The following DEPTOR variants were observed in gnomAD, a reference collection of about 807,000 sequenced individuals.
The protein encoded by DEPTOR is DEP domain containing MTOR interacting protein, also known as DEP domain-containing mTOR-interacting protein.
Under a neutral mutation model 41.6 loss-of-function variants are expected in DEPTOR, and 41 were observed. The ratio of observed to expected loss-of-function variants is 0.98; its 90% CI spans 0.77 to 1.28. The LOEUF is 1.28. Among genes scored for constraint, DEPTOR ranks in the 50% most tolerant of loss-of-function variants. The pLI, the probability that DEPTOR is intolerant of heterozygous loss-of-function variation, is 0.00. For missense variants in DEPTOR, 514 were observed against 527.9 expected (o/e 0.97, Z 0.26); for synonymous variants, 195 against 192.3 (o/e 1.01, Z -0.12).
chr8:119,976,121 C>A (rs1232697160), intron 4 of DEPTOR, among the ~76,000 whole-genome samples: 1 of 151,836 alleles, frequency 6.6e-6, no homozygotes, highest in African/African-American at 2.4e-5. Flanking sequence ...CTGGCCCTCC[C>A]AAAATGCTGG....
chr8:119,911,740 G>A (rs1827748085), intron 1 of DEPTOR, among the ~76,000 whole-genome samples: 1 of 152,168 alleles, frequency 6.6e-6, no homozygotes, highest in African/African-American at 2.4e-5. Context: ...CATATTAATA[G>A]AAAGGTGATG....
At chr8:120,033,144 A>G (rs575226458) in intron 8 of DEPTOR, among the ~76,000 whole-genome samples, 4 of 146,762 alleles carry the variant, frequency 2.7e-5, no homozygotes, top group South Asian at 4.3e-4. Flanking sequence ...CTGGAGTGCA[A>G]TGATGTGATT....
chr8:119,923,488 C>T (rs1276148777), intron 1 of DEPTOR, among the ~76,000 whole-genome samples: 2 of 152,094 alleles, frequency 1.3e-5, no homozygotes, highest in South Asian at 2.1e-4. Context: ...GTTATCCTCC[C>T]ACCTTGGCTT....
intron 4 of DEPTOR, among the ~76,000 whole-genome samples, chr8:119,992,635 C>T (rs1334583968): frequency 6.6e-6 from 1 of 151,448 alleles, no homozygotes; most frequent in African/African-American, 2.4e-5. Context: ...CTTCCTCCTT[C>T]CAACTAGATA....
At chr8:120,000,123 A>AT (rs550684095) in intron 4 of DEPTOR, among the ~76,000 whole-genome samples, 2 of 152,012 alleles carry the variant, frequency 1.3e-5, no homozygotes, top group African/African-American at 2.4e-5. Flanking sequence ...CTCTTTGCCG[A>AT]TTTTTTTTAA....
chr8:120,040,857 G>A (rs1813056940), intron 8 of DEPTOR, among the ~76,000 whole-genome samples: 1 of 152,146 alleles, frequency 6.6e-6, no homozygotes, highest in African/African-American at 2.4e-5. Context: ...TGCTCTACTT[G>A]ATTAAGATTT....
chr8:119,964,397 C>A (rs11778729), intron 3 of DEPTOR, among the ~76,000 whole-genome samples: 2,154 of 151,968 alleles, frequency 0.014, 24 homozygotes, highest in Non-Finnish European at 0.024. Context: ...TGCCTGTAAT[C>A]CCAGCTACTC....
chr8:119,957,849 A>G (rs1828439298), intron 3 of DEPTOR, among the ~76,000 whole-genome samples: 1 of 152,152 alleles, frequency 6.6e-6, no homozygotes, highest in Non-Finnish European at 1.5e-5. Context: ...TTGGCCTCCC[A>G]AAGTGCTGGG....
At chr8:120,023,813 T>TG (rs397964979) in intron 8 of DEPTOR, among the ~76,000 whole-genome samples, 4 of 151,568 alleles carry the variant, frequency 2.6e-5, no homozygotes, top group Admixed American at 2.6e-4. Context: ...TTTTTTTTTT[T>TG]ACTTTGCTTG....
chr8:120,021,057 T>TTAAAATAAAATAAAATAAAATAAAA, intron 8 of DEPTOR, among the ~76,000 whole-genome samples: 2 of 8,588 alleles, frequency 2.3e-4, no homozygotes, highest in South Asian at 4.6e-3. Flanking sequence ...AGACTCTGTC[T>TTAAAATAAAATAAAATAAAATAAAA]CAAAATAAAA....
intron 1 of DEPTOR, among the ~76,000 whole-genome samples, chr8:119,887,093 A>G (rs1002982376): frequency 1.6e-5 from 2 of 125,680 alleles, no homozygotes; most frequent in Admixed American, 1.7e-4. Flanking sequence ...TGTTTTTACC[A>G]GTCCCTTCCC....
intron 1 of DEPTOR, among the ~76,000 whole-genome samples, chr8:119,896,382 A>G (rs1199648402): frequency 6.6e-6 from 1 of 152,230 alleles, no homozygotes; most frequent in Non-Finnish European, 1.5e-5. Context: ...GGTTGAGGAC[A>G]CAGCTGGGCT....
At chr8:120,014,515 C>T (rs541737655) in intron 8 of DEPTOR, among the ~76,000 whole-genome samples, 3 of 152,066 alleles carry the variant, frequency 2.0e-5, no homozygotes, top group Non-Finnish European at 4.4e-5. Flanking sequence ...AAGCCAGTTC[C>T]TTCCCCAAGC....
chr8:119,908,270 G>A (rs994670197), intron 1 of DEPTOR, among the ~76,000 whole-genome samples: 4 of 152,166 alleles, frequency 2.6e-5, no homozygotes, highest in Non-Finnish European at 4.4e-5. Context: ...GCATTCATCA[G>A]TATCCCCTCT....
At chr8:119,938,056 A>G (rs1586623565) in intron 3 of DEPTOR, among the ~76,000 whole-genome samples, 1 of 152,374 alleles carries the variant, frequency 6.6e-6, no homozygotes, top group Admixed American at 6.5e-5. Context: ...AGTCTGGAAC[A>G]AAAGCTGTCA....
chr8:119,896,274 G>A (rs1827518827), intron 1 of DEPTOR, among the ~76,000 whole-genome samples: 1 of 152,056 alleles, frequency 6.6e-6, no homozygotes, highest in Non-Finnish European at 1.5e-5. Flanking sequence ...GAAAGCAAAG[G>A]CTTAGAAAGA....
intron 1 of DEPTOR, among the ~76,000 whole-genome samples, chr8:119,918,115 C>T (rs552389249): frequency 4.6e-5 from 7 of 152,258 alleles, no homozygotes; most frequent in South Asian, 2.1e-4. Context: ...CAGAGGCTGG[C>T]GTGGATCCTC....
chr8:119,972,889 C>T (rs1828651717), intron 4 of DEPTOR, among the ~76,000 whole-genome samples: 1 of 152,068 alleles, frequency 6.6e-6, no homozygotes, highest in South Asian at 2.1e-4. Flanking sequence ...CAAACAATGA[C>T]CAGGGACCTT....
At chr8:120,006,209 G>A (rs1812434690) in intron 6 of DEPTOR, among the ~76,000 whole-genome samples, 1 of 152,154 alleles carries the variant, frequency 6.6e-6, no homozygotes, top group Admixed American at 6.5e-5. Context: ...GCAGAAAGCA[G>A]TGGGTACATG....
Sources: allele counts gnomAD v4.1 joint callset (sites outside exome capture counted in the v4.1 genomes callset), GRCh38; gene constraint gnomAD v4.1.1; transcripts MANE v1.5; gene names NCBI Gene and HGNC (gene_info 2026-07-23, HGNC 2026-07-21).